The following LSM14A variants were observed in gnomAD, a reference collection of about 807,000 sequenced individuals.
LSM14A encodes LSM14A mRNA processing body assembly factor.
Under a neutral mutation model 52.4 loss-of-function variants are expected in LSM14A, and 14 were observed. The observed-to-expected ratio is 0.27, with a 90% CI of 0.18 to 0.42. LSM14A has a LOEUF of 0.42. Among genes scored for constraint, LSM14A ranks in the 10% least tolerant of loss-of-function variants. LSM14A has a pLI of 1.00. For missense variants in LSM14A, 417 were observed against 581.8 expected (o/e 0.72, Z 2.91); for synonymous variants, 185 against 200.3 (o/e 0.92, Z 0.64).
chr19:34,172,873 G>C, intron 1 of LSM14A, 110 bp downstream of exon 1: 1 of 1,291,918 alleles, frequency 7.7e-7, no homozygotes, highest in Non-Finnish European at 1.0e-6. Context: ...GTCGAGCTCC[G>C]GGAGGCCTCT....
At chr19:34,195,823 A>T (rs2070794548) in intron 2 of LSM14A, among the ~76,000 whole-genome samples, 1 of 152,196 alleles carries the variant, frequency 6.6e-6, no homozygotes, top group African/African-American at 2.4e-5. Flanking sequence ...GGTTTTATGG[A>T]AGGAGAAAAA....
At chr19:34,179,722 T>G (rs1337378912) in intron 1 of LSM14A, among the ~76,000 whole-genome samples, 1 of 152,092 alleles carries the variant, frequency 6.6e-6, no homozygotes, top group Non-Finnish European at 1.5e-5. Flanking sequence ...AAAAAAGAAA[T>G]CTTATCTGTG....
intron 3 of LSM14A, among the ~76,000 whole-genome samples, chr19:34,204,622 G>A (rs191572519): frequency 3.5e-4 from 54 of 152,244 alleles, no homozygotes; most frequent in African/African-American, 1.3e-3. Context: ...GGAGGCTGGG[G>A]TGGGAGACTT....
At chr19:34,176,473 C>T (rs1285829835) in intron 1 of LSM14A, among the ~76,000 whole-genome samples, 1 of 152,126 alleles carries the variant, frequency 6.6e-6, no homozygotes, top group East Asian at 1.9e-4. Context: ...CTATCACCAT[C>T]TTAATTTAAG....
intron 8 of LSM14A, among the ~76,000 whole-genome samples, chr19:34,220,160 G>T (rs1372389960): frequency 6.6e-6 from 1 of 152,002 alleles, no homozygotes. Flanking sequence ...GTAGAGATGG[G>T]GGTCTCGCTA....
At chr19:34,205,543 A>C (rs1022319361) in intron 3 of LSM14A, among the ~76,000 whole-genome samples, 3 of 148,870 alleles carry the variant, frequency 2.0e-5, no homozygotes, top group Admixed American at 6.7e-5. Flanking sequence ...TTAGCTGGGC[A>C]TGGTGGTGAA....
chr19:34,178,594 A>C (rs1282400125), intron 1 of LSM14A, among the ~76,000 whole-genome samples: 1 of 152,178 alleles, frequency 6.6e-6, no homozygotes, highest in Non-Finnish European at 1.5e-5. Context: ...GTCTGTCTTC[A>C]CCTTCCCCTT....
Position 34,172,508 on chromosome 19 carries a change from G to A in LSM14A, c.-135G>A, listed in dbSNP as rs1007546519. 30 of 1,037,692 alleles carry A rather than the reference G, an allele frequency of 2.9e-5. No homozygotes were observed. The highest frequency in any genetic ancestry group is 1.4e-4 in the Admixed American group (3 of 22,130). 64.3% of individuals were successfully genotyped at this position (1,037,692 alleles called of 1,614,324 possible). A position where few individuals can be genotyped will look rare whatever the true frequency, so the allele number is the denominator to read the frequency against. On this transcript the variant is annotated 5_prime_UTR_variant, in exon 1 of 10. Transcript: ENST00000544216. ...GGCGGGAGGCTGGGGGAGGGTAGCG[G>A]AGCCGGCGCCGCCGCCATGTTGGGT...
intron 1 of LSM14A, among the ~76,000 whole-genome samples, chr19:34,192,544 G>A (rs187356534): frequency 5.6e-5 from 8 of 142,268 alleles, no homozygotes; most frequent in South Asian, 2.2e-4. Context: ...TGTTGAGGCC[G>A]GTGTCAAACT....
intron 1 of LSM14A, among the ~76,000 whole-genome samples, chr19:34,179,875 A>G (rs1383230886): frequency 6.6e-6 from 1 of 152,194 alleles, no homozygotes; most frequent in Admixed American, 6.5e-5. Context: ...TCATGATGCT[A>G]TAAAATAATA....
At chr19:34,216,196 G>A (rs1241576396) in intron 6 of LSM14A, among the ~76,000 whole-genome samples, 1 of 152,044 alleles carries the variant, frequency 6.6e-6, no homozygotes, top group Non-Finnish European at 1.5e-5. Flanking sequence ...GGCGGATCAC[G>A]AGGTCAGGAG....
rs561250565 is a variant in LSM14A, at chr19:34,211,792, C to A, written c.538+2741C>A. Among the ~76,000 whole-genome samples, 297 of 151,050 alleles carry A rather than the reference C, an allele frequency of 2.0e-3. 1 individual carries two copies. The highest frequency in any genetic ancestry group is 7.0e-3 in the African/African-American group (289 of 41,160). Reference sequence around the variant, plus strand: ...CGACAGAACCAAGACCCTGTCCCCCCCCAAAAAAAAAAGATGTTGGGAAGA... The same window carrying A: ...CGACAGAACCAAGACCCTGTCCCCCACCAAAAAAAAAAGATGTTGGGAAGA... On this transcript the variant is annotated intron_variant, in intron 4 of 9. Transcript: ENST00000544216.
In LSM14A at chr19:34,221,665, C is replaced by T; in HGVS notation, c.1295C>T (p.Thr432Ile). 3 of 1,614,102 alleles carry T rather than the reference C, an allele frequency of 1.9e-6. No homozygotes were observed. The highest frequency in any genetic ancestry group is 2.5e-6 in the Non-Finnish European group (3 of 1,180,016). Residue 432 changes from threonine (T) to isoleucine (I), a missense_variant, in exon 9 of 10, where the codon ACT (threonine) becomes ATT (isoleucine). Thr to Ile is a moderately conservative substitution (Grantham distance 89). Transcript: ENST00000544216. ...GRGGGRGGTF[T>I]APRGFRGGFR... ...GGTGGTGGCAGAGGTGGTACCTTCA[C>T]TGCCCCTCGAGGATTTCGCGGTGGA...
intron 4 of LSM14A, among the ~76,000 whole-genome samples, chr19:34,212,108 G>C (rs1260628): frequency 0.35 from 52,452 of 151,900 alleles, 9,487 homozygotes; most frequent in African/African-American, 0.38. Flanking sequence ...AACATTTTGC[G>C]AGTTCAAGAT....
intron 9 of LSM14A, among the ~76,000 whole-genome samples, chr19:34,222,322 A>C (rs950394344): frequency 6.6e-6 from 1 of 152,178 alleles, no homozygotes; most frequent in South Asian, 2.1e-4. Context: ...TTCTCCTTTC[A>C]CCATGAAATT....
In LSM14A at chr19:34,223,086, T is replaced by G. The variant is rs190701467; in HGVS notation, c.1368+1348T>G. Among the ~76,000 whole-genome samples the G allele has an allele frequency of 3.4e-3, 517 of 152,170 alleles. 2 individuals are homozygous for G. The highest frequency in any genetic ancestry group is 0.021 in the East Asian group (108 of 5,178). ...TTTTAATACTCTTCATTCTTTTTTT[T>G]GGGGGGTGGAGGGTGTCAGGGTCTT... On this transcript the variant is annotated intron_variant, in intron 9 of 9. Coordinates refer to ENST00000544216, the MANE Select transcript of LSM14A (RefSeq NM_015578.4).
At chr19:34,209,131 C>A in intron 4 of LSM14A, 80 bp downstream of exon 4, 2 of 1,263,002 alleles carry the variant, frequency 1.6e-6, no homozygotes, top group Non-Finnish European at 2.2e-6. Context: ...AGAGCTTTTG[C>A]AGCTTGTAAA....
intron 9 of LSM14A, among the ~76,000 whole-genome samples, chr19:34,225,556 C>T (rs992256570): frequency 6.6e-6 from 1 of 152,024 alleles, no homozygotes; most frequent in Non-Finnish European, 1.5e-5. Context: ...CATAAATGAG[C>T]TTGGTTGTTT....
At chr19:34,173,762 T>G (rs1397638247) in intron 1 of LSM14A, among the ~76,000 whole-genome samples, 1 of 152,170 alleles carries the variant, frequency 6.6e-6, no homozygotes, top group Non-Finnish European at 1.5e-5. Flanking sequence ...CCAGCACTTC[T>G]GGTAGAGGTG....
Sources: allele counts gnomAD v4.1 joint callset (sites outside exome capture counted in the v4.1 genomes callset), GRCh38; gene constraint gnomAD v4.1.1; transcripts MANE v1.5; gene names NCBI Gene and HGNC (gene_info 2026-07-23, HGNC 2026-07-21).